PACRG: variants seen among roughly 807,000 people sequenced by gnomAD.
PACRG encodes the protein parkin coregulated.
In PACRG, 29 loss-of-function variants were observed where a neutral mutation model predicts 29.7. That is an observed-to-expected ratio of 0.98 (90% confidence interval 0.73 to 1.33). The LOEUF is 1.33. Among genes scored for constraint, PACRG ranks in the 40% most tolerant of loss-of-function variants. The probability of loss-of-function intolerance (pLI) is 0.00; values close to 1 mark genes in which losing one functional copy is unlikely to be tolerated. For synonymous variants in PACRG, 116 were observed against 118.7 expected, an observed-to-expected ratio of 0.98 and a Z score of 0.15; for missense variants, 279 against 316.2, an observed-to-expected ratio of 0.88 and a Z score of 0.89.
intron 4 of PACRG, among the ~76,000 whole-genome samples, chr6:163,181,589 A>G (rs554166507): frequency 2.4e-4 from 24 of 99,734 alleles, no homozygotes; most frequent in Non-Finnish European, 2.8e-4. Flanking sequence ...ATCAGAGATT[A>G]TTTGCTTGAG....
rs541301607 is a variant in PACRG, at chr6:163,292,047, TTAAG to T, written c.614-22777_614-22774del. Among the ~76,000 whole-genome samples, 162 of 152,198 alleles carry T rather than the reference TTAAG, an allele frequency of 1.1e-3. 2 individuals are homozygous for T. Among genetic ancestry groups the T allele is most frequent in the African/African-American group, 3.6e-3 (151 of 41,524 alleles). On this transcript the variant is annotated intron_variant, in intron 4 of 4. Transcript: ENST00000366888. The stretch of plus-strand genomic sequence containing the variant: ...CAACACGAGCTGAGCTAACGAAGGT[TTAAG>T]TAGGCAGTGGAAAAGGGTGAATTTA...
intron 1 of PACRG, among the ~76,000 whole-genome samples, chr6:162,810,062 G>A (rs1468732585): frequency 6.6e-6 from 1 of 152,148 alleles, no homozygotes; most frequent in Non-Finnish European, 1.5e-5. Flanking sequence ...TGTTTATGAT[G>A]TCAGTGTGGA....
At chr6:163,002,582 A>G (rs912410730) in intron 2 of PACRG, among the ~76,000 whole-genome samples, 1 of 152,176 alleles carries the variant, frequency 6.6e-6, no homozygotes, top group Non-Finnish European at 1.5e-5. Flanking sequence ...TACACCCAAA[A>G]AGTAGTCACT....
chr6:163,112,776 G>A (rs1181476508), intron 4 of PACRG, among the ~76,000 whole-genome samples: 1 of 152,164 alleles, frequency 6.6e-6, no homozygotes. Context: ...GGGGAAGGGG[G>A]TAGTCTGATT....
chr6:163,098,541 T>G (rs763634074), intron 4 of PACRG, among the ~76,000 whole-genome samples: 14 of 152,108 alleles, frequency 9.2e-5, no homozygotes, highest in Non-Finnish European at 1.6e-4. Context: ...CGGGTGACAG[T>G]TGGGACAACT....
chr6:162,947,561 T>G, intron 2 of PACRG, among the ~76,000 whole-genome samples: 1 of 93,772 alleles, frequency 1.1e-5, no homozygotes, highest in South Asian at 3.3e-4. Flanking sequence ...TATATAATCA[T>G]ATATATATAC....
intron 4 of PACRG, among the ~76,000 whole-genome samples, chr6:163,264,082 A>G (rs1280694380): frequency 6.6e-6 from 1 of 152,210 alleles, no homozygotes; most frequent in Non-Finnish European, 1.5e-5. Context: ...AACTTGCCCC[A>G]ATTTATACCC....
chr6:162,974,924 C>G (rs951713136), intron 2 of PACRG, among the ~76,000 whole-genome samples: 1 of 152,166 alleles, frequency 6.6e-6, no homozygotes, highest in African/African-American at 2.4e-5. Flanking sequence ...AGCAATGGCT[C>G]TTTTGCCACG....
At chr6:162,881,436 G>C (rs1793831464) in intron 2 of PACRG, among the ~76,000 whole-genome samples, 1 of 152,220 alleles carries the variant, frequency 6.6e-6, no homozygotes, top group Non-Finnish European at 1.5e-5. Flanking sequence ...GCAGAGAGAT[G>C]AGTGTCAATG....
At chr6:163,216,870 G>A (rs994072789) in intron 4 of PACRG, among the ~76,000 whole-genome samples, 7 of 152,136 alleles carry the variant, frequency 4.6e-5, no homozygotes, top group Non-Finnish European at 1.0e-4. Context: ...AACTAGCACT[G>A]CAACTTTACA....
intron 2 of PACRG, among the ~76,000 whole-genome samples, chr6:162,995,989 GT>G (rs1165917436): frequency 6.6e-6 from 1 of 152,154 alleles, no homozygotes; most frequent in Non-Finnish European, 1.5e-5. Context: ...TGTGATGTTG[GT>G]CAAAGGGTAC....
chr6:162,765,015 A>C (rs1303933840), intron 1 of PACRG, among the ~76,000 whole-genome samples: 1 of 152,136 alleles, frequency 6.6e-6, no homozygotes, highest in East Asian at 1.9e-4. Flanking sequence ...AAGTGCTGGG[A>C]TTACAGGCGT....
chr6:162,757,077 A>G (rs768983800), intron 1 of PACRG, among the ~76,000 whole-genome samples: 3 of 151,938 alleles, frequency 2.0e-5, no homozygotes, highest in Non-Finnish European at 2.9e-5. Context: ...CTATGTTGCT[A>G]TTTATTATAA....
intron 2 of PACRG, among the ~76,000 whole-genome samples, chr6:162,901,644 G>C (rs958715664): frequency 6.6e-6 from 1 of 152,158 alleles, no homozygotes. Flanking sequence ...CTGTGGCACC[G>C]CCTTTGCTCA....
At chr6:163,210,497 T>C (rs1414526351) in intron 4 of PACRG, among the ~76,000 whole-genome samples, 3 of 152,134 alleles carry the variant, frequency 2.0e-5, no homozygotes, top group Non-Finnish European at 4.4e-5. Context: ...CCTTAGAAGG[T>C]GGAGCTTCCA....
intron 4 of PACRG, among the ~76,000 whole-genome samples, chr6:163,286,969 T>C (rs1430875333): frequency 1.3e-5 from 2 of 152,078 alleles, no homozygotes; most frequent in Admixed American, 6.6e-5. Context: ...TAGATATGTG[T>C]ATATGTGTTT....
At chr6:163,165,601 A>C (rs963489873) in intron 4 of PACRG, 6 of 157,526 alleles carry the variant, frequency 3.8e-5, no homozygotes, top group African/African-American at 1.4e-4. Flanking sequence ...CATCCTTGTG[A>C]TAAGTGTTGA....
intron 4 of PACRG, among the ~76,000 whole-genome samples, chr6:163,115,531 G>C (rs796794401): frequency 3.9e-5 from 6 of 152,148 alleles, no homozygotes; most frequent in African/African-American, 1.4e-4. Context: ...GTTCCCCCAC[G>C]CCCCTACCCT....
chr6:163,055,803 C>T lies in PACRG; in HGVS notation c.292-6347C>T, dbSNP rs771304019. Among the ~76,000 whole-genome samples, 4 of 152,106 alleles carry T rather than the reference C, an allele frequency of 2.6e-5. No individual in the cohort carries two copies. Among genetic ancestry groups the T allele is most frequent in the Admixed American group, 6.5e-5 (1 of 15,276 alleles). On this transcript the variant is annotated intron_variant, in intron 2 of 4. Coordinates refer to ENST00000366888, the MANE Select transcript of PACRG (RefSeq NM_001080379.2). The surrounding 1 kb of genome is among the most constrained non-coding windows in gnomAD (Gnocchi z 4.0). ...CCATCTAGTTCCAGAACTTTTTCAT[C>T]ACCCCACATGGAAACCCCATGCCCA...
Sources: allele counts gnomAD v4.1 joint callset (sites outside exome capture counted in the v4.1 genomes callset), GRCh38; gene constraint gnomAD v4.1.1; non-coding constraint Gnocchi (gnomAD v3.1); transcripts MANE v1.5; gene names NCBI Gene and HGNC (gene_info 2026-07-23, HGNC 2026-07-21).